Variants in PLSCR4 observed in about 807,000 individuals in gnomAD.
PLSCR4 encodes Ca(2+)-dependent phospholipid scramblase 4.
In PLSCR4, 25 loss-of-function variants were observed where a neutral mutation model predicts 36.3. The ratio of observed to expected loss-of-function variants is 0.69; its 90% CI spans 0.50 to 0.96. The LOEUF (loss-of-function observed/expected upper bound fraction) is 0.96, where lower values mean the gene tolerates loss of function less well. Among genes scored for constraint, PLSCR4 ranks in the 40% least tolerant of loss-of-function variants. PLSCR4 has a pLI of 0.00. For missense variants in PLSCR4, 408 were observed against 414.7 expected (o/e 0.98, Z 0.14); for synonymous variants, 122 against 132.9 (o/e 0.92, Z 0.56).
In PLSCR4 at chr3:146,250,070, T is replaced by C. The variant is rs575128217; in HGVS notation, c.-22+890A>G. Among the ~76,000 whole-genome samples, 14 of 152,322 alleles carry C rather than the reference T, an allele frequency of 9.2e-5. No homozygotes were observed. In the South Asian group the frequency reaches 2.9e-3, roughly 32 times the overall value. On this transcript the variant is annotated intron_variant, in intron 1 of 8. Transcript: ENST00000354952. ...TCACATCATGCATAAAGTGATAATA[T>C]GTTCCCCTACCTGTTGTCACTCGCC... is the stretch of plus-strand genomic sequence containing the variant.
chr3:146,212,576 G>A (rs1414338055), intron 3 of PLSCR4, among the ~76,000 whole-genome samples: 1 of 151,450 alleles, frequency 6.6e-6, no homozygotes, highest in Non-Finnish European at 1.5e-5. Flanking sequence ...CTAGCCTCCA[G>A]GTAACTGGGA....
At chr3:146,245,655 T>C (rs1201494518) in intron 1 of PLSCR4, among the ~76,000 whole-genome samples, 15 of 152,044 alleles carry the variant, frequency 9.9e-5, no homozygotes, top group Admixed American at 9.8e-4. Flanking sequence ...ATCTGGATAA[T>C]TATAATGATA....
intron 1 of PLSCR4, among the ~76,000 whole-genome samples, chr3:146,243,299 T>A (rs1490485644): frequency 2.6e-5 from 4 of 152,108 alleles, no homozygotes; most frequent in African/African-American, 9.7e-5. Context: ...GTTTGTTACA[T>A]ATATACATCT....
chr3:146,231,714 C>T (rs1437694771), intron 1 of PLSCR4, among the ~76,000 whole-genome samples: 1 of 151,824 alleles, frequency 6.6e-6, no homozygotes, highest in African/African-American at 2.4e-5. Context: ...GGTTGTTTTT[C>T]ACTTGTTGAT....
chr3:146,197,649 ATTATT>A (rs2033819937), intron 6 of PLSCR4, among the ~76,000 whole-genome samples: 1 of 152,180 alleles, frequency 6.6e-6, no homozygotes, highest in South Asian at 2.1e-4. Flanking sequence ...CTTCAACAAT[ATTATT>A]TTGTGAATAA....
intron 4 of PLSCR4, among the ~76,000 whole-genome samples, chr3:146,204,742 T>G (rs941401468): frequency 6.6e-6 from 1 of 152,168 alleles, no homozygotes; most frequent in East Asian, 1.9e-4. Context: ...AAAAGAGAAT[T>G]GACTGTAGAA....
intron 3 of PLSCR4, among the ~76,000 whole-genome samples, chr3:146,219,478 G>A (rs145403945): frequency 4.1e-4 from 63 of 152,206 alleles, no homozygotes; most frequent in African/African-American, 1.4e-3. Flanking sequence ...GAAAGGTTGC[G>A]CTATTAATGC....
At chr3:146,241,115 G>A (rs1020452896) in intron 1 of PLSCR4, among the ~76,000 whole-genome samples, 3 of 152,168 alleles carry the variant, frequency 2.0e-5, no homozygotes, top group Non-Finnish European at 1.5e-5. Flanking sequence ...TGATTCTACT[G>A]ATGTGAACTA....
intron 7 of PLSCR4, among the ~76,000 whole-genome samples, chr3:146,195,580 G>GT (rs2033692822): frequency 6.6e-6 from 1 of 152,174 alleles, no homozygotes; most frequent in Admixed American, 6.6e-5. Flanking sequence ...TCTCAACATA[G>GT]TAAAGGGTGG....
intron 1 of PLSCR4, among the ~76,000 whole-genome samples, chr3:146,231,042 T>C (rs1015214343): frequency 5.3e-5 from 8 of 152,000 alleles, no homozygotes; most frequent in Non-Finnish European, 5.9e-5. Flanking sequence ...CCAGAAGGCA[T>C]TGGTGTCTAT....
intron 3 of PLSCR4, 97 bp from the exon 4 acceptor site, chr3:146,206,858 A>C: frequency 1.4e-6 from 1 of 735,982 alleles, no homozygotes; most frequent in Non-Finnish European, 2.2e-6. Flanking sequence ...CATCCACTTA[A>C]ATATAACAAC....
chr3:146,224,860 C>G (rs1314553630), intron 1 of PLSCR4, among the ~76,000 whole-genome samples: 3 of 145,134 alleles, frequency 2.1e-5, no homozygotes, highest in East Asian at 4.0e-4. Context: ...TAGTTAGATA[C>G]AGAGTATGGA....
chr3:146,236,500 G>T (rs2035924718), intron 1 of PLSCR4, among the ~76,000 whole-genome samples: 1 of 152,126 alleles, frequency 6.6e-6, no homozygotes, highest in Admixed American at 6.5e-5. Flanking sequence ...GGACCCAGTG[G>T]GAGGTAACTG....
At chr3:146,214,333 C>T (rs2034788079) in intron 3 of PLSCR4, among the ~76,000 whole-genome samples, 1 of 15,352 alleles carries the variant, frequency 6.5e-5, no homozygotes, top group African/African-American at 1.9e-4. Flanking sequence ...GTTTTTTAGC[C>T]GGGATGGTCT....
chr3:146,194,326 G>T lies in PLSCR4; in HGVS notation c.*85C>A. Reference sequence around the variant, plus strand: ...CTCTACAAAGCAAAGAAATACACTTGCAAATAACTGAGTGCTGACTGTAAG... The same window carrying T: ...CTCTACAAAGCAAAGAAATACACTTTCAAATAACTGAGTGCTGACTGTAAG... On this transcript the variant is annotated 3_prime_UTR_variant, in exon 9 of 9. Coordinates refer to ENST00000354952, the MANE Select transcript of PLSCR4 (RefSeq NM_020353.3). 3 of 883,312 alleles carry T rather than the reference G, an allele frequency of 3.4e-6. No individual in the cohort carries two copies. Among genetic ancestry groups the T allele is most frequent in the Non-Finnish European group, 5.7e-6 (3 of 528,360 alleles). 54.7% of individuals were successfully genotyped at this position (883,312 alleles called of 1,614,324 possible).
intron 3 of PLSCR4, among the ~76,000 whole-genome samples, chr3:146,213,813 G>A (rs779979167): frequency 6.6e-6 from 1 of 152,028 alleles, no homozygotes; most frequent in Non-Finnish European, 1.5e-5. Flanking sequence ...ACAATAAATT[G>A]TACACACAAT....
At chr3:146,216,624 G>A (rs2034903424) in intron 3 of PLSCR4, among the ~76,000 whole-genome samples, 1 of 152,086 alleles carries the variant, frequency 6.6e-6, no homozygotes, top group Non-Finnish European at 1.5e-5. Flanking sequence ...CTTGGTGAAA[G>A]TCATTAGCTG....
chr3:146,219,997 T>C (rs1355072896), intron 3 of PLSCR4, among the ~76,000 whole-genome samples: 2 of 152,062 alleles, frequency 1.3e-5, no homozygotes, highest in African/African-American at 4.8e-5. Flanking sequence ...GCAGGGTTTC[T>C]TTTCCCCCTT....
chr3:146,206,312 T>C (rs1294130640), intron 4 of PLSCR4, among the ~76,000 whole-genome samples: 3 of 152,160 alleles, frequency 2.0e-5, no homozygotes, highest in Admixed American at 6.6e-5. Flanking sequence ...TAAATCCTTA[T>C]GAAAAACATA....
Sources: allele counts gnomAD v4.1 joint callset (sites outside exome capture counted in the v4.1 genomes callset), GRCh38; gene constraint gnomAD v4.1.1; transcripts MANE v1.5; gene names NCBI Gene and HGNC (gene_info 2026-07-23, HGNC 2026-07-21).